Variants in ZNF512 observed in about 807,000 individuals in gnomAD.
The protein encoded by ZNF512 is zinc finger protein 512.
In ZNF512, 25 loss-of-function variants were observed where a neutral mutation model predicts 77.5. That is an observed-to-expected ratio of 0.32 (90% CI 0.23 to 0.45). The LOEUF (loss-of-function observed/expected upper bound fraction) is 0.45, where lower values mean the gene tolerates loss of function less well. Ranked by LOEUF, ZNF512 falls within the 20% of genes least tolerant of loss-of-function variation. ZNF512 has a pLI of 1.00. For synonymous variants in ZNF512, 246 were observed against 239.9 expected (o/e 1.03, Z -0.24); for missense variants, 483 against 692.6 (o/e 0.70, Z 3.40).
intron 8 of ZNF512, 70 bp downstream of exon 8, chr2:27,602,631 T>C: frequency 7.4e-7 from 1 of 1,345,056 alleles, no homozygotes; most frequent in Non-Finnish European, 1.0e-6. Context: ...CTTCTTTCCA[T>C]TTCTTCTCTT....
chr2:27,583,180 G>T, intron 1 of ZNF512, 38 bp downstream of exon 1: 2 of 1,614,134 alleles, frequency 1.2e-6, no homozygotes, highest in Non-Finnish European at 1.7e-6. Context: ...TTTAGAGGTA[G>T]CGCTGTCGAG....
chr2:27,612,465 A>C (rs1572932437), intron 10 of ZNF512, among the ~76,000 whole-genome samples: 1 of 152,162 alleles, frequency 6.6e-6, no homozygotes, highest in Admixed American at 6.5e-5. Context: ...ATATAAAGGC[A>C]TGTATAGTCA....
intron 2 of ZNF512, among the ~76,000 whole-genome samples, chr2:27,587,651 C>CTT (rs11422405): frequency 1.2e-4 from 18 of 144,104 alleles, no homozygotes; most frequent in South Asian, 2.2e-4. Flanking sequence ...TTTTTTTGAT[C>CTT]TTTTTTTTTT....
rs1671945108 is a variant in ZNF512 at position 27,597,934 on chromosome 2, A to G, written c.90-133A>G. 6 of 588,706 alleles carry G rather than the reference A, an allele frequency of 1.0e-5. No individual in the cohort carries two copies. The South Asian group carries it at 1.5e-4, about 15-fold the overall frequency. 36.5% of individuals were successfully genotyped at this position (588,706 alleles called of 1,614,324 possible). On this transcript the variant is annotated intron_variant, in intron 2 of 13. Transcript: ENST00000355467. ...ACTATTGTTATTGTTAGGTGATTACAACTTACATTCTGTTTTTATAGCAGG... is the reference window on the plus strand; with the variant it reads ...ACTATTGTTATTGTTAGGTGATTACGACTTACATTCTGTTTTTATAGCAGG...
At chr2:27,596,793 A>C (rs1334598405) in intron 2 of ZNF512, among the ~76,000 whole-genome samples, 2 of 152,184 alleles carry the variant, frequency 1.3e-5, no homozygotes, top group African/African-American at 4.8e-5. Flanking sequence ...TATTTGTAAC[A>C]TACTGACATA....
At position 27,583,076 on chromosome 2, in the gene ZNF512, G is replaced by T. The variant is rs753093827; in HGVS notation, c.-37G>T. ...CGGAAGTGGCGTTGGTCTGGCCGGA[G>T]CCCTTGGGTGAAATTGTTAGGCGTG... On this transcript the variant is annotated 5_prime_UTR_variant, in exon 1 of 14. Coordinates refer to ENST00000355467, the MANE Select transcript of ZNF512 (RefSeq NM_032434.4). The T allele has an allele frequency of 1.2e-5, 19 of 1,613,910 alleles. No homozygotes were observed. The highest frequency in any genetic ancestry group is 2.2e-5 in the East Asian group (1 of 44,886).
intron 10 of ZNF512, among the ~76,000 whole-genome samples, chr2:27,610,851 C>T (rs1572930671): frequency 2.0e-5 from 3 of 151,530 alleles, no homozygotes; most frequent in Non-Finnish European, 4.4e-5. Context: ...GGATTACAGG[C>T]GTGAGCTACT....
intron 2 of ZNF512, among the ~76,000 whole-genome samples, chr2:27,595,827 T>C (rs1457472712): frequency 1.3e-5 from 2 of 152,242 alleles, no homozygotes; most frequent in Non-Finnish European, 2.9e-5. Context: ...GTGTTTTCTT[T>C]ATAAGAAAGT....
At chr2:27,613,631 GA>G (rs892835105) in intron 10 of ZNF512, among the ~76,000 whole-genome samples, 6 of 152,108 alleles carry the variant, frequency 3.9e-5, no homozygotes, top group Non-Finnish European at 8.8e-5. Context: ...CTGTGTATAT[GA>G]AAAGTGGTCT....
chr2:27,619,359 C>T (rs893727752), intron 13 of ZNF512, among the ~76,000 whole-genome samples: 5 of 151,874 alleles, frequency 3.3e-5, no homozygotes, highest in Admixed American at 2.0e-4. Context: ...GCCGAGATTG[C>T]GCCACTGCAC....
At chr2:27,588,360 C>T (rs1389452651) in intron 2 of ZNF512, among the ~76,000 whole-genome samples, 7 of 152,010 alleles carry the variant, frequency 4.6e-5, no homozygotes, top group African/African-American at 7.2e-5. Flanking sequence ...AAACTTTTGC[C>T]TCCCTAATTG....
At chr2:27,598,601 C>G (rs1328788135) in intron 3 of ZNF512, among the ~76,000 whole-genome samples, 2 of 150,826 alleles carry the variant, frequency 1.3e-5, no homozygotes, top group African/African-American at 2.4e-5. Context: ...TGCACTGTAG[C>G]CTGGGCGAAA....
chr2:27,585,913 G>A (rs570686193), intron 2 of ZNF512, among the ~76,000 whole-genome samples: 1 of 152,286 alleles, frequency 6.6e-6, no homozygotes, highest in African/African-American at 2.4e-5. Context: ...ATAATCAAAT[G>A]TCCTGGGGTT....
chr2:27,591,906 A>T (rs1288975677), intron 2 of ZNF512, among the ~76,000 whole-genome samples: 1 of 152,220 alleles, frequency 6.6e-6, no homozygotes, highest in African/African-American at 2.4e-5. Flanking sequence ...GGTCATTTAA[A>T]TCATTTCCTG....
intron 2 of ZNF512, among the ~76,000 whole-genome samples, chr2:27,596,172 A>G (rs959274607): frequency 6.6e-6 from 1 of 152,218 alleles, no homozygotes; most frequent in Non-Finnish European, 1.5e-5. Context: ...TGTCCCAAAC[A>G]TGAATAGCTT....
intron 9 of ZNF512, among the ~76,000 whole-genome samples, chr2:27,607,612 C>A (rs1410086767): frequency 6.6e-6 from 1 of 152,202 alleles, no homozygotes; most frequent in Non-Finnish European, 1.5e-5. Flanking sequence ...AGGTGATCCA[C>A]CCGCCTTGGT....
At chr2:27,586,725 A>C (rs1224431224) in intron 2 of ZNF512, among the ~76,000 whole-genome samples, 1 of 152,124 alleles carries the variant, frequency 6.6e-6, no homozygotes, top group Non-Finnish European at 1.5e-5. Flanking sequence ...GATAATAAAC[A>C]TTTTCATCTC....
At chr2:27,599,527 G>T in intron 3 of ZNF512, 56 bp from the exon 4 acceptor site, 1 of 1,297,930 alleles carries the variant, frequency 7.7e-7, no homozygotes, top group African/African-American at 1.5e-5. Context: ...GACAGGCCTA[G>T]ATGTTCATTT....
At chr2:27,586,931 A>G (rs1671355059) in intron 2 of ZNF512, among the ~76,000 whole-genome samples, 1 of 152,222 alleles carries the variant, frequency 6.6e-6, no homozygotes, top group Admixed American at 6.5e-5. Flanking sequence ...GTAGAATTCC[A>G]TTATGGATAC....
Sources: gnomAD v4.1 joint callset for allele counts (sites outside exome capture counted in the v4.1 genomes callset) on GRCh38, gnomAD v4.1.1 for gene constraint, MANE v1.5 for transcripts, NCBI Gene and HGNC (gene_info 2026-07-23, HGNC 2026-07-21) for gene names.